The following CD53 variants were observed in gnomAD, a reference collection of about 807,000 sequenced individuals.
The protein encoded by CD53 is CD53 molecule, also known as leukocyte surface antigen CD53.
A neutral mutation model predicts 27.3 loss-of-function variants in CD53; 20 were observed. That is an observed-to-expected ratio of 0.73 (90% CI 0.52 to 1.07). The LOEUF (loss-of-function observed/expected upper bound fraction) is 1.07, where lower values mean the gene tolerates loss of function less well. CD53 is among the 50% of genes least tolerant of loss of function. The probability of loss-of-function intolerance (pLI) is 0.00; values close to 1 mark genes in which losing one functional copy is unlikely to be tolerated. For synonymous variants in CD53, 106 were observed against 105.3 expected (o/e 1.01, Z -0.04); for missense variants, 216 against 264.0 (o/e 0.82, Z 1.26).
intron 7 of CD53, among the ~76,000 whole-genome samples, chr1:110,898,745 T>A (rs1657176372): frequency 6.6e-6 from 1 of 152,108 alleles, no homozygotes; most frequent in Non-Finnish European, 1.5e-5. Context: ...TAAAACTCAA[T>A]CAGGAAGCTC....
intron 3 of CD53, 181 bp downstream of exon 3, chr1:110,892,714 G>A (rs1570909855): frequency 1.2e-5 from 7 of 570,540 alleles, no homozygotes; most frequent in Admixed American, 1.0e-4. Flanking sequence ...AGGGTCCCAC[G>A]GACAGGTGAA....
chr1:110,889,339 C>T (rs758038530), intron 1 of CD53, among the ~76,000 whole-genome samples: 48 of 151,726 alleles, frequency 3.2e-4, no homozygotes, highest in Admixed American at 1.6e-3. Flanking sequence ...GGTAGATCAC[C>T]AGGTCAGGAG....
At chr1:110,898,004 C>A in intron 7 of CD53, 112 bp downstream of exon 7, 1 of 549,712 alleles carries the variant, frequency 1.8e-6, no homozygotes, top group Non-Finnish European at 3.2e-6. Flanking sequence ...GCTATTTTTA[C>A]TAATATATGA....
rs973505834 is a variant in CD53 at position 110,896,755 on chromosome 1, C to A, written c.504+22C>A. 4.4e-6 allele frequency: 7 copies of A among 1,594,708 alleles called. No homozygotes were observed. In the Admixed American group the frequency reaches 8.4e-5, roughly 19 times the overall value. Reference sequence around the variant, plus strand: ...GGAGGTAATTTTGTCGGCAATGTTTCTGTTATTGACCTCTTTGTTTAAATG... The same window carrying A: ...GGAGGTAATTTTGTCGGCAATGTTTATGTTATTGACCTCTTTGTTTAAATG... On this transcript the variant is annotated intron_variant, in intron 6 of 7. Coordinates refer to ENST00000271324, the MANE Select transcript of CD53 (RefSeq NM_000560.4).
chr1:110,888,582 T>A (rs932408617), intron 1 of CD53, among the ~76,000 whole-genome samples: 43 of 152,308 alleles, frequency 2.8e-4, no homozygotes, highest in African/African-American at 9.9e-4. Context: ...TCCCTGTTAA[T>A]CCATTGGCCA....
At chr1:110,896,492 A>G (rs1175871550) in intron 5 of CD53, among the ~76,000 whole-genome samples, 161 bp from the exon 6 acceptor site, 1 of 152,190 alleles carries the variant, frequency 6.6e-6, no homozygotes, top group East Asian at 1.9e-4. Context: ...GGTATAACAG[A>G]TTAGAAAGCA....
chr1:110,872,601 T>C (rs1655997322), upstream of CD53, among the ~76,000 whole-genome samples: 1 of 152,184 alleles, frequency 6.6e-6, no homozygotes, highest in African/African-American at 2.4e-5. Context: ...CTTAAGACAG[T>C]CTTGCTCTCG....
chr1:110,896,577 C>A, intron 5 of CD53, 76 bp from the exon 6 acceptor site: 1 of 1,389,452 alleles, frequency 7.2e-7, no homozygotes, highest in Non-Finnish European at 1.0e-6. Context: ...AAGGGCACAC[C>A]TTTTCCTCTA....
At chr1:110,882,852 G>C (rs926817029) in intron 1 of CD53, among the ~76,000 whole-genome samples, 1 of 151,932 alleles carries the variant, frequency 6.6e-6, no homozygotes, top group African/African-American at 2.4e-5. Flanking sequence ...AAAAATACTT[G>C]ATTTCTAATG....
intron 1 of CD53, among the ~76,000 whole-genome samples, chr1:110,886,956 C>T (rs1656645933): frequency 6.6e-6 from 1 of 150,430 alleles, no homozygotes; most frequent in South Asian, 2.1e-4. Flanking sequence ...AATATCTAAT[C>T]TGCCATTAAT....
chr1:110,898,138 G>C (rs951600420), intron 7 of CD53, among the ~76,000 whole-genome samples: 6 of 152,136 alleles, frequency 3.9e-5, no homozygotes, highest in Non-Finnish European at 7.4e-5. Flanking sequence ...AGCACTTTGG[G>C]AGGCTGAGGC....
chr1:110,886,869 A>ATATATATATATATATATTT (rs1298376721), intron 1 of CD53, among the ~76,000 whole-genome samples: 8 of 82,782 alleles, frequency 9.7e-5, no homozygotes, highest in Non-Finnish European at 1.6e-4. Flanking sequence ...ATATATATAT[A>ATATATATATATATATATTT]TTTTTTTTTT....
rs1291147632 is a variant in CD53 at position 110,892,463 on chromosome 1, C to G, written c.182C>G (p.Ser61Cys). Residue 61 changes from serine to cysteine, a missense_variant, in exon 3 of 8, where the codon TCT (serine) becomes TGT (cysteine). Coordinates refer to ENST00000271324, the MANE Select transcript of CD53 (RefSeq NM_000560.4). Reference sequence around the variant, plus strand: ...GGCAATGTGTTTGTCATCGTGGGCTCTATTATCATGGTAGTTGCCTTCCTG... The same window carrying G: ...GGCAATGTGTTTGTCATCGTGGGCTGTATTATCATGGTAGTTGCCTTCCTG... Reference protein sequence around the residue: ...TLGNVFVIVGSIIMVVAFLGC... With the variant: ...TLGNVFVIVGCIIMVVAFLGC... 6.2e-7 allele frequency: 1 copy of G among 1,614,016 alleles called. No individual in the cohort carries two copies. Among genetic ancestry groups the G allele is most frequent in the Non-Finnish European group, 8.5e-7 (1 of 1,180,032 alleles).
At chr1:110,890,473 G>A (rs1483541184) in intron 1 of CD53, among the ~76,000 whole-genome samples, 1 of 152,068 alleles carries the variant, frequency 6.6e-6, no homozygotes, top group Admixed American at 6.6e-5. Context: ...AGGCTGAGGT[G>A]GGAGGATCAC....
rs754824645 is a variant in CD53, at chr1:110,899,184, A to G, written c.649A>G (p.Ile217Val). 3.7e-6 allele frequency: 6 copies of G among 1,612,970 alleles called. No individual in the cohort carries two copies. In the South Asian group the frequency reaches 5.5e-5, roughly 15 times the overall value. ...CCAGATTGACAAAACCAGCCAGACC[A>G]TAGGGCTATGATCTGCAGTAGTCCT... Reference protein sequence around the residue: ...NCQIDKTSQTIGL With the variant: ...NCQIDKTSQTVGL Residue 217 changes from isoleucine to valine, a missense_variant, in exon 8 of 8, where the codon ATA (isoleucine) becomes GTA (valine). Transcript: ENST00000271324.
At chr1:110,885,162 T>G (rs1656523985) in intron 1 of CD53, among the ~76,000 whole-genome samples, 1 of 152,132 alleles carries the variant, frequency 6.6e-6, no homozygotes, top group Non-Finnish European at 1.5e-5. Flanking sequence ...CCCTTCCCAG[T>G]CTCTACACTA....
upstream of CD53, among the ~76,000 whole-genome samples, chr1:110,871,370 G>A (rs1655957631): frequency 6.6e-6 from 1 of 152,110 alleles, no homozygotes; most frequent in South Asian, 2.1e-4. Flanking sequence ...GATAATAGGT[G>A]GTGGTGTGGG....
Position 110,899,222 on chromosome 1 carries a change from C to T in CD53, c.*27C>T. 6.5e-7 allele frequency: 1 copy of T among 1,530,762 alleles called. No individual in the cohort carries two copies. The highest frequency in any genetic ancestry group is 9.1e-7 in the Non-Finnish European group (1 of 1,103,696). The allele number at this position is 1,530,762 out of a possible 1,614,324, so 94.8% of individuals were successfully genotyped here. ...CTGCAGTAGTCCTGTGGTGAAGAGA[C>T]TTGTTTCATCTCCGGAAATGCAAAA... On this transcript the variant is annotated 3_prime_UTR_variant, in exon 8 of 8. Coordinates refer to ENST00000271324, the MANE Select transcript of CD53 (RefSeq NM_000560.4).
At chr1:110,894,557 A>T (rs1340196161) in intron 4 of CD53, among the ~76,000 whole-genome samples, 156 bp downstream of exon 4, 2 of 150,478 alleles carry the variant, frequency 1.3e-5, no homozygotes, top group African/African-American at 2.4e-5. Flanking sequence ...TTGGGGGGAA[A>T]ATTTGTATGA....
Sources: gnomAD v4.1 joint callset for allele counts (sites outside exome capture counted in the v4.1 genomes callset) on GRCh38, gnomAD v4.1.1 for gene constraint, MANE v1.5 for transcripts, NCBI Gene and HGNC (gene_info 2026-07-23, HGNC 2026-07-21) for gene names.